SIN3B: variants seen among roughly 807,000 people sequenced by gnomAD.
The protein encoded by SIN3B is SIN3 transcription regulator family member B, also known as paired amphipathic helix protein Sin3b.
Under a neutral mutation model 120.2 loss-of-function variants are expected in SIN3B, and 19 were observed. That is an observed-to-expected ratio of 0.16 (90% CI 0.11 to 0.23). The LOEUF (loss-of-function observed/expected upper bound fraction) is 0.23. Ranked by LOEUF, SIN3B falls within the 10% of genes least tolerant of loss-of-function variation. The pLI, the probability that SIN3B is intolerant of heterozygous loss-of-function variation, is 1.00. For synonymous variants in SIN3B, 654 were observed against 653.2 expected (o/e 1.00, Z -0.02); for missense variants, 1,073 against 1,573.0 (o/e 0.68, Z 5.38).
At position 16,876,302 on chromosome 19, in the gene SIN3B, T is replaced by C; in HGVS notation, c.2766+74T>C. On this transcript the variant is annotated intron_variant, in intron 15 of 18. Transcript: ENST00000248054. The surrounding 1 kb of genome is among the most constrained non-coding windows in gnomAD (Gnocchi z 7.1). ...ACTCCGCTCTGGACTCAGTCCTGGGTGGACCCTGGTTCAGCGGCTGGGACA... is the reference window on the plus strand; with the variant it reads ...ACTCCGCTCTGGACTCAGTCCTGGGCGGACCCTGGTTCAGCGGCTGGGACA... 1 of 1,522,852 alleles carries C rather than the reference T, an allele frequency of 6.6e-7. No individual in the cohort carries two copies. The highest frequency in any genetic ancestry group is 8.9e-7 in the Non-Finnish European group (1 of 1,123,994). 94.3% of individuals were successfully genotyped at this position (1,522,852 alleles called of 1,614,324 possible).
chr19:16,839,404 T>G (rs1213303640), intron 3 of SIN3B, among the ~76,000 whole-genome samples: 3 of 152,220 alleles, frequency 2.0e-5, no homozygotes, highest in African/African-American at 7.2e-5. Flanking sequence ...TCCCTCGTGG[T>G]GGCTGTACCG....
intron 3 of SIN3B, among the ~76,000 whole-genome samples, chr19:16,840,890 A>T (rs1222818693): frequency 6.6e-6 from 1 of 152,116 alleles, no homozygotes; most frequent in African/African-American, 2.4e-5. Context: ...GGCCGCGGAG[A>T]AAAATGCAGG....
chr19:16,837,740 G>A (rs1414213436), intron 3 of SIN3B, among the ~76,000 whole-genome samples: 1 of 152,142 alleles, frequency 6.6e-6, no homozygotes, highest in African/African-American at 2.4e-5. Flanking sequence ...CCATGTGATG[G>A]GGGCAGAGTG....
At position 16,860,430 on chromosome 19, in the gene SIN3B, G is replaced by A. The variant is rs545660169; in HGVS notation, c.1059-1922G>A. On this transcript the variant is annotated intron_variant, in intron 8 of 18. Transcript: ENST00000248054. ...TTTTGTTGGTCTCTTTCCTTCCTAC[G>A]TTTCCATCGGCTTGTGGGTTTTCCT... Among the ~76,000 whole-genome samples the A allele has an allele frequency of 3.9e-5, 6 of 152,106 alleles. No homozygotes were observed. The South Asian group carries it at 6.2e-4, about 16-fold the overall frequency.
intron 12 of SIN3B, 108 bp downstream of exon 12, chr19:16,866,664 G>A: frequency 9.1e-7 from 1 of 1,098,448 alleles, no homozygotes; most frequent in Non-Finnish European, 1.3e-6. Flanking sequence ...TAGTGGCATT[G>A]CCCTTTCAGG....
chr19:16,856,878 CT>C (rs1971623098), intron 8 of SIN3B, among the ~76,000 whole-genome samples: 1 of 151,934 alleles, frequency 6.6e-6, no homozygotes, highest in South Asian at 2.1e-4. Flanking sequence ...GGCCATGATT[CT>C]TTTTTTTAAT....
intron 7 of SIN3B, 37 bp from the exon 8 acceptor site, chr19:16,854,106 A>AG: frequency 6.6e-7 from 1 of 1,516,268 alleles, no homozygotes; most frequent in Non-Finnish European, 9.1e-7. Flanking sequence ...GCTGAGGAGC[A>AG]GGGGTTCACA....
chr19:16,862,633 C>A lies in SIN3B; in HGVS notation c.1266+74C>A. 1 of 1,359,676 alleles carries A rather than the reference C, an allele frequency of 7.4e-7. No homozygotes were observed. The highest frequency in any genetic ancestry group is 1.0e-6 in the Non-Finnish European group (1 of 967,572). 84.2% of individuals were successfully genotyped at this position (1,359,676 alleles called of 1,614,324 possible). A position where few individuals can be genotyped will look rare whatever the true frequency, so the allele number is the denominator to read the frequency against. On this transcript the variant is annotated intron_variant, in intron 9 of 18. Transcript: ENST00000248054. This position sits in a 1 kb window ranked among gnomAD's most constrained non-coding sequence, Gnocchi z 4.7. ...CCCCTCCCCAGCAAACACCCGATAC[C>A]CCCGTTATGAATGAAATGCTGTGTG...
chr19:16,870,363 A>AGCTCCAC (rs2051494202), intron 13 of SIN3B, among the ~76,000 whole-genome samples: 1 of 149,304 alleles, frequency 6.7e-6, no homozygotes, highest in Admixed American at 6.7e-5. Flanking sequence ...GTCATGGCCC[A>AGCTCCAC]GCTCCACAGT....
In SIN3B at chr19:16,829,467, C is replaced by G; in HGVS notation, c.47C>G (p.Pro16Arg). ...GGSGGSGAGG[P>R]AGRGLSGARW... is the part of the protein sequence containing the mutation. ...AGCGGTGGCAGCGGTGCCGGCGGCC[C>G]CGCGGGCCGGGGGCTGAGCGGCGCC... is the stretch of plus-strand genomic sequence containing the variant. The change falls in exon 1 of 19, where the codon CCC (proline) becomes CGC (arginine). Residue 16 changes from proline (P) to arginine (R), a missense_variant. Transcript: ENST00000248054. 8.2e-7 allele frequency: 1 copy of G among 1,217,470 alleles called. No individual in the cohort carries two copies. The highest frequency in any genetic ancestry group is 1.0e-6 in the Non-Finnish European group (1 of 978,576). 75.4% of individuals were successfully genotyped at this position (1,217,470 alleles called of 1,614,324 possible).
intron 13 of SIN3B, among the ~76,000 whole-genome samples, chr19:16,870,622 G>A (rs191491310): frequency 7.9e-5 from 12 of 152,004 alleles, no homozygotes; most frequent in Admixed American, 3.3e-4. Context: ...GCATGATCTC[G>A]GCTCACTGCA....
At chr19:16,847,979 C>T (rs1971500329) in intron 5 of SIN3B, among the ~76,000 whole-genome samples, 1 of 152,202 alleles carries the variant, frequency 6.6e-6, no homozygotes, top group Admixed American at 6.5e-5. Flanking sequence ...CCATTCTGGA[C>T]ATTTCAGATG....
rs1329491546 is a variant in SIN3B at position 16,829,774 on chromosome 19, C to T, written c.121-17C>T. ...TTCCGCGGCCAGGGCCCACCGGGAC[C>T]CTCCCCCTCTCTGCAGGTAGAAGAC... is the stretch of plus-strand genomic sequence containing the variant. On this transcript the variant is annotated splice_polypyrimidine_tract_variant and intron_variant, in intron 1 of 18. Coordinates refer to ENST00000248054, the MANE Select transcript of SIN3B (RefSeq NM_001297595.2). 9 of 1,580,586 alleles carry T rather than the reference C, an allele frequency of 5.7e-6. No homozygotes were observed. Among genetic ancestry groups the T allele is most frequent in the Admixed American group, 1.7e-5 (1 of 59,826 alleles).
intron 5 of SIN3B, among the ~76,000 whole-genome samples, chr19:16,849,598 C>T (rs1174984192): frequency 6.6e-6 from 1 of 152,150 alleles, no homozygotes; most frequent in Non-Finnish European, 1.5e-5. Context: ...GTCCATCTAG[C>T]TCAGATGTTC....
chr19:16,842,090 G>GT, intron 4 of SIN3B, 122 bp downstream of exon 4: 4 of 926,498 alleles, frequency 4.3e-6, no homozygotes, highest in East Asian at 2.6e-5. Context: ...TAGTTGTGGG[G>GT]TTTTTTGTTT....
At chr19:16,861,076 A>G (rs1971681651) in intron 8 of SIN3B, among the ~76,000 whole-genome samples, 1 of 152,106 alleles carries the variant, frequency 6.6e-6, no homozygotes, top group Non-Finnish European at 1.5e-5. Flanking sequence ...TCCAGGTGGC[A>G]TTGTAGGGTC....
At chr19:16,838,472 G>A (rs2144579522) in intron 3 of SIN3B, among the ~76,000 whole-genome samples, 1 of 152,222 alleles carries the variant, frequency 6.6e-6, no homozygotes, top group Admixed American at 6.5e-5. Context: ...TCAGCATCGT[G>A]TTTTCCGGGG....
intron 3 of SIN3B, among the ~76,000 whole-genome samples, chr19:16,833,258 C>T (rs751348986): frequency 2.1e-4 from 32 of 152,182 alleles, no homozygotes; most frequent in African/African-American, 6.3e-4. Context: ...TCTGACACTC[C>T]GCAGTCAGTT....
At position 16,841,758 on chromosome 19, in the gene SIN3B, G is replaced by C; in HGVS notation, c.382-10G>C. On this transcript the variant is annotated splice_polypyrimidine_tract_variant and intron_variant, in intron 3 of 18. Transcript: ENST00000248054. ...TCGGGCCTGGCAGTAACTCATTGTC[G>C]CCTTGTCAGGAGAATTCGCACAACC... 2 of 1,612,624 alleles carry C rather than the reference G, an allele frequency of 1.2e-6. No homozygotes were observed. The highest frequency in any genetic ancestry group is 1.7e-6 in the Non-Finnish European group (2 of 1,178,966).
Sources: gnomAD v4.1 joint callset for allele counts (sites outside exome capture counted in the v4.1 genomes callset) on GRCh38, gnomAD v4.1.1 for gene constraint, Gnocchi (gnomAD v3.1) non-coding constraint, MANE v1.5 for transcripts, NCBI Gene and HGNC (gene_info 2026-07-23, HGNC 2026-07-21) for gene names.